CERS3: variants seen among roughly 807,000 people sequenced by gnomAD.
CERS3 encodes the protein LAG1 homolog, ceramide synthase 3.
CERS3 carries 33 observed loss-of-function variants against 50.3 expected under a neutral mutation model. The ratio of observed to expected loss-of-function variants is 0.66; its 90% CI spans 0.50 to 0.88. The LOEUF is 0.88. Among genes scored for constraint, CERS3 ranks in the 40% least tolerant of loss-of-function variants. CERS3 has a pLI of 0.00. For synonymous variants in CERS3, 176 were observed against 155.2 expected, an observed-to-expected ratio of 1.13 and a Z score of -0.99; for missense variants, 470 against 460.3, an observed-to-expected ratio of 1.02 and a Z score of -0.19.
At chr15:100,540,083 C>A (rs951290627) in intron 1 of CERS3, among the ~76,000 whole-genome samples, 6 of 152,192 alleles carry the variant, frequency 3.9e-5, no homozygotes, top group African/African-American at 1.4e-4. Context: ...CTCTGAAGTT[C>A]AATCCCTACC....
In CERS3 at chr15:100,426,907, G is replaced by A. The variant is rs560657645; in HGVS notation, c.1000-24042C>T. Among the ~76,000 whole-genome samples, 110 of 152,280 alleles carry A rather than the reference G, an allele frequency of 7.2e-4. No homozygotes were observed. In the Middle Eastern group the frequency reaches 0.014, roughly 19 times the overall value. The stretch of plus-strand genomic sequence containing the variant: ...ATTATCCCCAATCCCTGCCTTTTAT[G>A]AGGTACTTCATTTCCAGCCTGTTAC... On this transcript the variant is annotated intron_variant, in intron 11 of 11. Transcript: ENST00000679737.
At chr15:100,482,168 G>A (rs967369064) in intron 5 of CERS3, among the ~76,000 whole-genome samples, 5 of 152,242 alleles carry the variant, frequency 3.3e-5, no homozygotes, top group African/African-American at 4.8e-5. Flanking sequence ...TAATATCCTT[G>A]TCAATGTCAT....
chr15:100,467,874 G>GATAGATAGAT (rs779460605), intron 10 of CERS3, among the ~76,000 whole-genome samples: 1,080 of 45,968 alleles, frequency 0.023, 36 homozygotes, highest in African/African-American at 0.051. Context: ...TAGATAGATA[G>GATAGATAGAT]ATAGATATAG....
At chr15:100,465,516 C>A (rs959158318) in intron 10 of CERS3, among the ~76,000 whole-genome samples, 1 of 152,214 alleles carries the variant, frequency 6.6e-6, no homozygotes, top group African/African-American at 2.4e-5. Flanking sequence ...GATTGACATA[C>A]TTCCTTCAGA....
chr15:100,532,335 G>A (rs912677999), upstream of CERS3, among the ~76,000 whole-genome samples: 1 of 152,134 alleles, frequency 6.6e-6, no homozygotes, highest in African/African-American at 2.4e-5. Context: ...TACAGTTTTT[G>A]CCCTATTGTT....
At chr15:100,416,019 T>G (rs1347203388) in intron 11 of CERS3, among the ~76,000 whole-genome samples, 3 of 152,140 alleles carry the variant, frequency 2.0e-5, no homozygotes, top group African/African-American at 7.2e-5. Flanking sequence ...TGTTCCATAT[T>G]CATGGATAGG....
At chr15:100,446,472 G>A (rs116937939) in intron 11 of CERS3, among the ~76,000 whole-genome samples, 3,719 of 150,874 alleles carry the variant, frequency 0.025, 59 homozygotes, top group South Asian at 0.047. Context: ...GGTCAATTAC[G>A]GCAGTTTCCA....
chr15:100,470,737 T>A, intron 9 of CERS3, among the ~76,000 whole-genome samples: 1 of 152,132 alleles, frequency 6.6e-6, no homozygotes, highest in Non-Finnish European at 1.5e-5. Context: ...GTCAGGATAT[T>A]GGGTCCTGGA....
intron 11 of CERS3, among the ~76,000 whole-genome samples, chr15:100,405,917 T>C (rs547420151): frequency 6.6e-5 from 10 of 152,384 alleles, no homozygotes; most frequent in African/African-American, 1.9e-4. Flanking sequence ...GTACTACTCA[T>C]GTGGGCATTT....
intron 11 of CERS3, among the ~76,000 whole-genome samples, chr15:100,444,544 T>G (rs2033850930): frequency 6.6e-6 from 1 of 152,204 alleles, no homozygotes. Context: ...TGTGCTATAG[T>G]ACAAGCCGCT....
intron 10 of CERS3, among the ~76,000 whole-genome samples, chr15:100,467,703 G>A (rs1328859975): frequency 6.7e-6 from 1 of 150,208 alleles, no homozygotes; most frequent in Non-Finnish European, 1.5e-5. Flanking sequence ...ATGCCCAACT[G>A]TCATCAGCAA....
chr15:100,422,561 T>TTGAC (rs1276827684), intron 11 of CERS3, among the ~76,000 whole-genome samples: 1 of 36,992 alleles, frequency 2.7e-5, no homozygotes, highest in East Asian at 7.9e-4. Flanking sequence ...GAAATACCAT[T>TTGAC]TGACCCAGCC....
intron 4 of CERS3, among the ~76,000 whole-genome samples, chr15:100,485,232 A>T (rs1315112158): frequency 3.9e-5 from 6 of 152,238 alleles, no homozygotes; most frequent in Admixed American, 3.3e-4. Flanking sequence ...ATTTAATTAT[A>T]TAGAGAGCCT....
intron 11 of CERS3, among the ~76,000 whole-genome samples, chr15:100,436,020 G>C (rs1263039608): frequency 6.6e-6 from 1 of 152,204 alleles, no homozygotes; most frequent in African/African-American, 2.4e-5. Context: ...TACACTGTTG[G>C]TGGGAGTGTA....
upstream of CERS3, among the ~76,000 whole-genome samples, chr15:100,533,500 CTT>C (rs1567689369): frequency 6.6e-6 from 1 of 151,376 alleles, no homozygotes; most frequent in Non-Finnish European, 1.5e-5. Context: ...TTCTTTTCTC[CTT>C]TCTTTTCTTT....
At chr15:100,469,810 G>T (rs192183260) in intron 9 of CERS3, among the ~76,000 whole-genome samples, 1 of 152,314 alleles carries the variant, frequency 6.6e-6, no homozygotes, top group East Asian at 1.9e-4. Flanking sequence ...ATTTTGGCAT[G>T]CACTTCATGT....
chr15:100,429,342 G>A (rs748907274), intron 11 of CERS3, among the ~76,000 whole-genome samples: 17 of 152,290 alleles, frequency 1.1e-4, no homozygotes, highest in South Asian at 4.1e-4. Context: ...GGAGGCTATC[G>A]GAGTAGCACT....
At chr15:100,497,963 G>A (rs2035880327) in intron 3 of CERS3, among the ~76,000 whole-genome samples, 2 of 145,712 alleles carry the variant, frequency 1.4e-5, no homozygotes, top group African/African-American at 2.6e-5. Context: ...GCGTGATCTC[G>A]GCTCACTGCA....
chr15:100,444,172 C>A (rs977546075), intron 11 of CERS3, among the ~76,000 whole-genome samples: 3 of 152,228 alleles, frequency 2.0e-5, no homozygotes, highest in African/African-American at 7.2e-5. Context: ...TGCCTTAATA[C>A]TTTTAGAAGC....
Sources: allele counts gnomAD v4.1 joint callset (sites outside exome capture counted in the v4.1 genomes callset), GRCh38; gene constraint gnomAD v4.1.1; transcripts MANE v1.5; gene names NCBI Gene and HGNC (gene_info 2026-07-23, HGNC 2026-07-21).